The following SLC25A12 variants were observed in gnomAD, a reference collection of about 807,000 sequenced individuals.
SLC25A12 encodes the protein solute carrier family 25 member 12.
Under a neutral mutation model 83.3 loss-of-function variants are expected in SLC25A12, and 32 were observed. The ratio of observed to expected loss-of-function variants is 0.38; its 90% confidence interval spans 0.29 to 0.52. SLC25A12 has a LOEUF of 0.52. Ranked by LOEUF, SLC25A12 falls within the 20% of genes least tolerant of loss-of-function variation. The pLI is 0.84. For synonymous variants in SLC25A12, 267 were observed against 291.1 expected, an observed-to-expected ratio of 0.92 and a Z score of 0.84; for missense variants, 611 against 835.6, an observed-to-expected ratio of 0.73 and a Z score of 3.31.
At chr2:171,788,576 GC>G (rs761802684) in intron 15 of SLC25A12, 6 of 154,508 alleles carry the variant, frequency 3.9e-5, no homozygotes, top group Non-Finnish European at 7.2e-5. Context: ...AGGCCCCTGT[GC>G]CCGAGCTCCC....
chr2:171,831,624 G>A (rs553906597), intron 8 of SLC25A12, among the ~76,000 whole-genome samples: 1 of 152,318 alleles, frequency 6.6e-6, no homozygotes, highest in African/African-American at 2.4e-5. Context: ...GTGGGAAAGA[G>A]GCTGGGCCCA....
chr2:171,879,372 T>A (rs1030407903), intron 2 of SLC25A12, among the ~76,000 whole-genome samples: 3 of 152,232 alleles, frequency 2.0e-5, no homozygotes, highest in African/African-American at 7.2e-5. Context: ...TTATTTTTGT[T>A]GTTGTTTTAA....
At chr2:171,837,046 C>G (rs1231369131) in intron 6 of SLC25A12, 75 bp downstream of exon 6, 1 of 1,443,678 alleles carries the variant, frequency 6.9e-7, no homozygotes, top group Non-Finnish European at 9.7e-7. Flanking sequence ...ATATGAGTCC[C>G]TGGAGGCAAT....
At chr2:171,806,177 A>C (rs1417046221) in intron 13 of SLC25A12, among the ~76,000 whole-genome samples, 1 of 152,182 alleles carries the variant, frequency 6.6e-6, no homozygotes, top group African/African-American at 2.4e-5. Flanking sequence ...CAGATCATAA[A>C]GACCGGGTGT....
At chr2:171,830,051 CAGGCTGGAGGA>C (rs1309897640) in intron 8 of SLC25A12, among the ~76,000 whole-genome samples, 1 of 152,188 alleles carries the variant, frequency 6.6e-6, no homozygotes, top group Admixed American at 6.5e-5. Context: ...TGTTTTATGG[CAGGCTGGAGGA>C]AGCCTTTAGA....
At chr2:171,874,053 C>T (rs951701679) in intron 2 of SLC25A12, among the ~76,000 whole-genome samples, 1 of 152,010 alleles carries the variant, frequency 6.6e-6, no homozygotes, top group Non-Finnish European at 1.5e-5. Flanking sequence ...ATGGAGAAAC[C>T]CCATCTCTAC....
chr2:171,830,735 G>A (rs1205889272), intron 8 of SLC25A12, among the ~76,000 whole-genome samples: 16 of 152,210 alleles, frequency 1.1e-4, no homozygotes, highest in African/African-American at 2.6e-4. Flanking sequence ...CACTGGCCTC[G>A]AACTCCTGAC....
intron 15 of SLC25A12, among the ~76,000 whole-genome samples, chr2:171,790,461 G>A (rs1683426382): frequency 6.6e-6 from 1 of 152,178 alleles, no homozygotes; most frequent in South Asian, 2.1e-4. Context: ...GAGGTCAGAA[G>A]GAAGCATCTT....
At chr2:171,809,119 G>A (rs899467399) in intron 13 of SLC25A12, among the ~76,000 whole-genome samples, 3 of 152,184 alleles carry the variant, frequency 2.0e-5, no homozygotes, top group Non-Finnish European at 4.4e-5. Context: ...GGGCATTTGG[G>A]TTGGTTCCAA....
rs1421382729 is a variant in SLC25A12, at chr2:171,785,060, TC to T, written c.*213del. ...TCATGCCAAGGCTTACAAAAACATT[TC>T]AACACATAAGACTAAAGCTTGAAAC... On this transcript the variant is annotated 3_prime_UTR_variant, in exon 18 of 18. Transcript: ENST00000422440. 3.8e-6 allele frequency: 2 copies of T among 528,016 alleles called. No homozygotes were observed. The highest frequency in any genetic ancestry group is 6.9e-6 in the Non-Finnish European group (2 of 291,188). The allele number at this position is 528,016 out of a possible 1,614,324, so 32.7% of individuals were successfully genotyped here.
intron 2 of SLC25A12, among the ~76,000 whole-genome samples, chr2:171,872,762 G>C (rs565029858): frequency 2.1e-4 from 32 of 152,278 alleles, no homozygotes; most frequent in African/African-American, 7.0e-4. Context: ...AATTTCAATT[G>C]CAAGTGGAGA....
intron 8 of SLC25A12, among the ~76,000 whole-genome samples, chr2:171,828,124 T>G (rs1431300765): frequency 6.6e-6 from 1 of 152,188 alleles, no homozygotes; most frequent in Non-Finnish European, 1.5e-5. Flanking sequence ...GTCCTTTTCT[T>G]TTTTTCAGTC....
chr2:171,889,343 A>G (rs1178875181), intron 2 of SLC25A12, among the ~76,000 whole-genome samples: 1 of 152,164 alleles, frequency 6.6e-6, no homozygotes, highest in East Asian at 1.9e-4. Context: ...CCTTACTTCC[A>G]TATTTAATAC....
chr2:171,845,753 G>T (rs1430642471), intron 4 of SLC25A12: 2 of 454,440 alleles, frequency 4.4e-6, no homozygotes, highest in Non-Finnish European at 8.8e-6. Context: ...TAATAGCTCT[G>T]AATAGATTGC....
chr2:171,864,285 A>G (rs1291909685), intron 3 of SLC25A12, among the ~76,000 whole-genome samples: 2 of 152,246 alleles, frequency 1.3e-5, no homozygotes, highest in African/African-American at 4.8e-5. Flanking sequence ...AAACTGCCAT[A>G]ACAAGCCAAA....
At chr2:171,821,668 T>A (rs1184322948) in intron 9 of SLC25A12, among the ~76,000 whole-genome samples, 1 of 152,240 alleles carries the variant, frequency 6.6e-6, no homozygotes, top group Non-Finnish European at 1.5e-5. Context: ...AGCCAATTTT[T>A]CTATTGCATT....
intron 3 of SLC25A12, among the ~76,000 whole-genome samples, chr2:171,864,832 T>C (rs927906918): frequency 6.6e-6 from 1 of 152,164 alleles, no homozygotes; most frequent in African/African-American, 2.4e-5. Context: ...ATTTCAGAAG[T>C]GTTACTTTTT....
At chr2:171,864,998 T>G (rs1376264699) in intron 3 of SLC25A12, among the ~76,000 whole-genome samples, 1 of 152,232 alleles carries the variant, frequency 6.6e-6, no homozygotes, top group Non-Finnish European at 1.5e-5. Flanking sequence ...AGAAATAAAT[T>G]AATAAATATC....
chr2:171,801,483 T>C (rs1683706999), intron 13 of SLC25A12, among the ~76,000 whole-genome samples: 1 of 152,238 alleles, frequency 6.6e-6, no homozygotes. Flanking sequence ...CAATTATATT[T>C]GTGTCTTCGA....
Sources: gnomAD v4.1 joint callset for allele counts (sites outside exome capture counted in the v4.1 genomes callset) on GRCh38, gnomAD v4.1.1 for gene constraint, MANE v1.5 for transcripts, NCBI Gene and HGNC (gene_info 2026-07-23, HGNC 2026-07-21) for gene names.